CADM2: variants seen among roughly 807,000 people sequenced by gnomAD.
CADM2 encodes the protein immunoglobulin superfamily member 4D.
CADM2 carries 12 observed loss-of-function variants against 49.8 expected under a neutral mutation model. That is an observed-to-expected ratio of 0.24 (90% CI 0.15 to 0.39). The LOEUF (loss-of-function observed/expected upper bound fraction) is 0.39, where lower values mean the gene tolerates loss of function less well. CADM2 is among the 10% of genes least tolerant of loss of function. The pLI is 1.00. For missense variants in CADM2, 378 were observed against 492.3 expected (o/e 0.77, Z 2.20); for synonymous variants, 214 against 175.4 (o/e 1.22, Z -1.74).
intron 1 of CADM2, among the ~76,000 whole-genome samples, chr3:85,096,964 T>C (rs1389876352): frequency 3.3e-5 from 5 of 152,166 alleles, no homozygotes; most frequent in East Asian, 1.9e-4. Context: ...ATGCTAGTAG[T>C]GTGCCAGTAT....
intron 3 of CADM2, among the ~76,000 whole-genome samples, chr3:85,843,513 TTAAAG>T (rs2074734371): frequency 1.3e-5 from 2 of 152,136 alleles, no homozygotes; most frequent in Admixed American, 6.6e-5. Context: ...TATTTTTTAT[TTAAAG>T]TAAGGTGGAA....
chr3:85,382,378 A>C (rs2033957074), intron 1 of CADM2, among the ~76,000 whole-genome samples: 1 of 152,106 alleles, frequency 6.6e-6, no homozygotes, highest in South Asian at 2.1e-4. Context: ...CTCCTTAGAT[A>C]GGGATGGGAT....
At chr3:85,772,000 C>A in intron 2 of CADM2, among the ~76,000 whole-genome samples, 1 of 124,964 alleles carries the variant, frequency 8.0e-6, no homozygotes, top group Non-Finnish European at 1.7e-5. Flanking sequence ...TGTATTTTTT[C>A]TTTCTTTCTT....
chr3:85,644,338 C>T (rs2064822632), intron 1 of CADM2, among the ~76,000 whole-genome samples: 1 of 152,096 alleles, frequency 6.6e-6, no homozygotes, highest in African/African-American at 2.4e-5. Flanking sequence ...TGCCTTATGA[C>T]CTCATTATAT....
intron 2 of CADM2, among the ~76,000 whole-genome samples, chr3:85,788,522 A>G (rs1168831339): frequency 1.3e-5 from 2 of 152,116 alleles, no homozygotes; most frequent in Non-Finnish European, 2.9e-5. Context: ...ATATTAATGT[A>G]GAAGCAATTT....
chr3:85,360,269 A>G (rs2032262505), intron 1 of CADM2, among the ~76,000 whole-genome samples: 1 of 152,150 alleles, frequency 6.6e-6, no homozygotes, highest in Admixed American at 6.6e-5. Flanking sequence ...TACCAGTGAA[A>G]CATCTACTAT....
chr3:85,368,677 T>C (rs1263962556), intron 1 of CADM2, among the ~76,000 whole-genome samples: 1 of 152,048 alleles, frequency 6.6e-6, no homozygotes, highest in Non-Finnish European at 1.5e-5. Flanking sequence ...TTTTAAAAAA[T>C]TACTGTATGT....
At chr3:86,058,332 CT>C (rs35319659) in intron 8 of CADM2, among the ~76,000 whole-genome samples, 51 of 150,000 alleles carry the variant, frequency 3.4e-4, no homozygotes, top group African/African-American at 1.1e-3. Flanking sequence ...TTCCAACTCT[CT>C]TTTTTTTTTC....
At chr3:85,431,821 T>C (rs2036679705) in intron 1 of CADM2, among the ~76,000 whole-genome samples, 1 of 90,980 alleles carries the variant, frequency 1.1e-5, no homozygotes. Flanking sequence ...TTGAGCTAGC[T>C]CCAGCTGAAT....
chr3:85,156,951 GC>G (rs1391518998), intron 1 of CADM2, among the ~76,000 whole-genome samples: 2 of 152,076 alleles, frequency 1.3e-5, no homozygotes, highest in Non-Finnish European at 2.9e-5. Context: ...CATTGTCTCA[GC>G]CCAAAATCTC....
intron 1 of CADM2, among the ~76,000 whole-genome samples, chr3:85,171,772 A>G (rs1056646153): frequency 1.3e-5 from 2 of 152,212 alleles, no homozygotes; most frequent in Non-Finnish European, 2.9e-5. Flanking sequence ...AAATATGAAT[A>G]ACTTACCTAA....
intron 1 of CADM2, among the ~76,000 whole-genome samples, chr3:85,139,100 C>G (rs906945075): frequency 7.2e-5 from 11 of 152,064 alleles, no homozygotes; most frequent in African/African-American, 2.4e-4. Flanking sequence ...GGGTCAAGCA[C>G]AAGACACAGA....
intron 1 of CADM2, among the ~76,000 whole-genome samples, chr3:85,189,065 A>T (rs1480419016): frequency 9.4e-6 from 1 of 106,846 alleles, no homozygotes; most frequent in Non-Finnish European, 1.9e-5. Flanking sequence ...AATAAATAAA[A>T]TAAATAAATA....
intron 1 of CADM2, among the ~76,000 whole-genome samples, chr3:85,270,072 G>A (rs531228455): frequency 6.6e-6 from 1 of 151,290 alleles, no homozygotes; most frequent in African/African-American, 2.4e-5. Context: ...ATCATCTATT[G>A]TGCCTAAAAT....
intron 5 of CADM2, among the ~76,000 whole-genome samples, chr3:85,907,846 G>A (rs1717009385): frequency 6.6e-6 from 1 of 151,864 alleles, no homozygotes; most frequent in Non-Finnish European, 1.5e-5. Context: ...GAGATGCAGA[G>A]GTTGCAGTGA....
intron 1 of CADM2, among the ~76,000 whole-genome samples, chr3:85,001,132 G>A (rs773957607): frequency 1.1e-3 from 171 of 151,950 alleles, no homozygotes; most frequent in Admixed American, 2.8e-3. Context: ...ATCTCTTCAC[G>A]ATGATCTGTT....
intron 2 of CADM2, among the ~76,000 whole-genome samples, chr3:85,787,198 T>C (rs2071041729): frequency 6.6e-6 from 1 of 152,026 alleles, no homozygotes; most frequent in African/African-American, 2.4e-5. Flanking sequence ...ACATTTTTCA[T>C]CAAAGAGTGA....
intron 1 of CADM2, among the ~76,000 whole-genome samples, chr3:85,659,111 A>T (rs2065315481): frequency 6.8e-6 from 1 of 146,946 alleles, no homozygotes; most frequent in South Asian, 2.2e-4. Flanking sequence ...AACTCTACTG[A>T]AGCCCTTTCT....
chr3:85,559,462 T>TTA (rs1287357596), intron 1 of CADM2, among the ~76,000 whole-genome samples: 3 of 152,056 alleles, frequency 2.0e-5, no homozygotes, highest in Non-Finnish European at 4.4e-5. Flanking sequence ...GTGACATGAA[T>TTA]AATAGTCTTA....
Sources: allele counts gnomAD v4.1 joint callset (sites outside exome capture counted in the v4.1 genomes callset), GRCh38; gene constraint gnomAD v4.1.1; transcripts MANE v1.5; gene names NCBI Gene and HGNC (gene_info 2026-07-23, HGNC 2026-07-21).